The following TFAP2A variants were observed in gnomAD, a reference collection of about 807,000 sequenced individuals.
TFAP2A encodes the protein transcription factor AP-2 alpha, also known as transcription factor AP-2-alpha.
Under a neutral mutation model 41.5 loss-of-function variants are expected in TFAP2A, and 7 were observed. The observed-to-expected ratio is 0.17, with a 90% confidence interval of 0.10 to 0.32. The LOEUF (loss-of-function observed/expected upper bound fraction) is 0.32, where lower values mean the gene tolerates loss of function less well. Ranked by LOEUF, TFAP2A falls within the 10% of genes least tolerant of loss-of-function variation. The pLI is 1.00. For synonymous variants in TFAP2A, 247 were observed against 242.8 expected, an observed-to-expected ratio of 1.02 and a Z score of -0.16; for missense variants, 416 against 563.3, an observed-to-expected ratio of 0.74 and a Z score of 2.65.
intron 1 of TFAP2A, chr6:10,412,092 T>C (rs1396076071): frequency 1.0e-6 from 1 of 995,622 alleles, no homozygotes; most frequent in Non-Finnish European, 1.2e-6. Flanking sequence ...AAATCGAGCG[T>C]GAAGCGGAGA....
chr6:10,403,802 G>C (rs1436468348), intron 4 of TFAP2A, among the ~76,000 whole-genome samples: 1 of 152,132 alleles, frequency 6.6e-6, no homozygotes, highest in Non-Finnish European at 1.5e-5. Context: ...AGAATCCCTG[G>C]CTATGTATGT....
chr6:10,409,678 ATTGT>A, intron 2 of TFAP2A: 1 of 578,522 alleles, frequency 1.7e-6, no homozygotes, highest in Admixed American at 3.0e-5. Flanking sequence ...TAATGCAGGC[ATTGT>A]TTGAGGGAGC....
rs558581973 is a variant in TFAP2A, at chr6:10,397,423, G to A, written c.*994C>T. ...GTCCAATATCACTTTTTTTCTTTCG[G>A]TTCAATGAAAAGCTAAATGTAATAA... On this transcript the variant is annotated 3_prime_UTR_variant, in exon 7 of 7. Transcript: ENST00000379613. 1 of 151,610 alleles carries A rather than the reference G, an allele frequency of 6.6e-6. No homozygotes were observed. Among genetic ancestry groups the A allele is most frequent in the South Asian group, 2.1e-4 (1 of 4,798 alleles). 9.4% of individuals were successfully genotyped at this position (151,610 alleles called of 1,614,324 possible). A position where few individuals can be genotyped will look rare whatever the true frequency, so the allele number is the denominator to read the frequency against.
intron 1 of TFAP2A, chr6:10,414,581 CCTCAAT>C (rs1758162069): frequency 2.2e-6 from 1 of 452,436 alleles, no homozygotes. Context: ...TGACTTGGGC[CCTCAAT>C]CTCGATGAAG....
chr6:10,397,824 T>C lies in TFAP2A; in HGVS notation c.*593A>G, dbSNP rs770745416. On this transcript the variant is annotated 3_prime_UTR_variant, in exon 7 of 7. Transcript: ENST00000379613. ...TCGCTTTACCTTAAAGAGGAAAAAC[T>C]TCTACAACTGAAGACATGACATGGA... 91 of 986,026 alleles carry C rather than the reference T, an allele frequency of 9.2e-5. No homozygotes were observed. Among genetic ancestry groups the C allele is most frequent in the Non-Finnish European group, 1.0e-4 (83 of 830,198 alleles). 61.1% of individuals were successfully genotyped at this position (986,026 alleles called of 1,614,324 possible). A position where few individuals can be genotyped will look rare whatever the true frequency, so the allele number is the denominator to read the frequency against.
At position 10,404,705 on chromosome 6, in the gene TFAP2A, G is replaced by A. The variant is rs1342169742; in HGVS notation, c.573C>T (p.Ala191=). 5 of 1,614,082 alleles carry A rather than the reference G, an allele frequency of 3.1e-6. No homozygotes were observed. Among genetic ancestry groups the A allele is most frequent in the Middle Eastern group, 1.6e-4 (1 of 6,084 alleles). ...CCTTGTTAATAGGGATGGCGGAGAC[G>A]GCATTGCTGTTGGACTTGGACAGGG... is the stretch of plus-strand genomic sequence containing the variant. ...PVSLSKSNSN[A]VSAIPINKDN... is the part of the protein sequence containing the mutation. Residue 191 remains alanine (A), a synonymous_variant, in exon 4 of 7, where the codon GCC becomes GCT. Coordinates refer to ENST00000379613, the MANE Select transcript of TFAP2A (RefSeq NM_001372066.1).
At chr6:10,418,617 C>G (rs368060479), upstream of TFAP2A, 1 of 152,372 alleles carries the variant, frequency 6.6e-6, no homozygotes, top group South Asian at 2.1e-4. Flanking sequence ...GCTTCCTTGG[C>G]CAGGGTCGGA....
chr6:10,419,504 C>T (rs1758356592), upstream of TFAP2A: 20 of 1,612,188 alleles, frequency 1.2e-5, 1 homozygote, highest in Non-Finnish European at 1.2e-5. Context: ...CTGGAGGGCT[C>T]GGTCGGGCCA....
Position 10,404,814 on chromosome 6 carries a change from T to G in TFAP2A, c.539-75A>C, listed in dbSNP as rs563554662. 5.3e-5 allele frequency: 73 copies of G among 1,386,024 alleles called. No homozygotes were observed. In the African/African-American group the frequency reaches 8.1e-4, roughly 15 times the overall value. 85.9% of individuals were successfully genotyped at this position (1,386,024 alleles called of 1,614,324 possible). A position where few individuals can be genotyped will look rare whatever the true frequency, so the allele number is the denominator to read the frequency against. On this transcript the variant is annotated intron_variant, in intron 3 of 6. Transcript: ENST00000379613. Reference sequence around the variant, plus strand: ...AAATCCTGCCCGACCCCGGCCCTCATCCCGGCCAGGGCCGGATCCCAGGCT... The same window carrying G: ...AAATCCTGCCCGACCCCGGCCCTCAGCCCGGCCAGGGCCGGATCCCAGGCT...
At position 10,398,814 on chromosome 6, in the gene TFAP2A, G is replaced by A; in HGVS notation, c.1032-109C>T. 2 of 1,342,020 alleles carry A rather than the reference G, an allele frequency of 1.5e-6. No individual in the cohort carries two copies. The highest frequency in any genetic ancestry group is 2.0e-5 in the Admixed American group (1 of 49,180). The allele number at this position is 1,342,020 out of a possible 1,614,324, so 83.1% of individuals were successfully genotyped here. A position where few individuals can be genotyped will look rare whatever the true frequency, so the allele number is the denominator to read the frequency against. ...CAGCTACCTCTGCCGGGATCCAGCC[G>A]GTACCTGACATGACCCAAGACCCCA... is the stretch of plus-strand genomic sequence containing the variant. On this transcript the variant is annotated intron_variant, in intron 6 of 6. Coordinates refer to ENST00000379613, the MANE Select transcript of TFAP2A (RefSeq NM_001372066.1). This position sits in a 1 kb window ranked among gnomAD's most constrained non-coding sequence, Gnocchi z 5.3.
intron 1 of TFAP2A, among the ~76,000 whole-genome samples, chr6:10,413,934 A>G (rs1348568867): frequency 2.0e-5 from 3 of 151,256 alleles, no homozygotes; most frequent in Non-Finnish European, 4.4e-5. Flanking sequence ...AGCCCTACAC[A>G]CCCCAACCCC....
intron 1 of TFAP2A, chr6:10,411,055 C>G (rs1034569745): frequency 6.7e-6 from 1 of 149,702 alleles, no homozygotes; most frequent in South Asian, 2.2e-4. Context: ...GGCCCCCCCC[C>G]CCCGCCCCTT....
chr6:10,409,705 T>C (rs913754838), intron 2 of TFAP2A, 196 bp downstream of exon 2: 12 of 630,210 alleles, frequency 1.9e-5, no homozygotes, highest in Admixed American at 2.8e-5. Context: ...CAGAAACCAT[T>C]GTTCTGGGGT....
intron 1 of TFAP2A, among the ~76,000 whole-genome samples, chr6:10,413,278 C>CT (rs1350320375): frequency 6.6e-6 from 1 of 152,226 alleles, no homozygotes. Context: ...TCTCTCTCAT[C>CT]TTTTTTTGCC....
intron 4 of TFAP2A, among the ~76,000 whole-genome samples, chr6:10,403,374 G>T (rs1757508467): frequency 6.6e-6 from 1 of 152,178 alleles, no homozygotes; most frequent in Admixed American, 6.5e-5. Flanking sequence ...GGGAAGGGAA[G>T]GAAAAAGCAG....
upstream of TFAP2A, chr6:10,416,348 G>A (rs1267567080): frequency 6.6e-6 from 1 of 151,944 alleles, no homozygotes; most frequent in Non-Finnish European, 1.5e-5. Context: ...GGTCAGTCCG[G>A]GCTTTTGGAC....
intron 3 of TFAP2A, chr6:10,406,377 C>G (rs1757713463): frequency 5.2e-6 from 1 of 190,974 alleles, no homozygotes; most frequent in South Asian, 1.1e-4. Context: ...TTTTTTTCCT[C>G]TACTAAAGAG....
chr6:10,402,399 A>G (rs780858638), intron 5 of TFAP2A, 93 bp downstream of exon 5: 6 of 959,094 alleles, frequency 6.3e-6, no homozygotes, highest in Non-Finnish European at 1.0e-5. Flanking sequence ...AAACTGCCCA[A>G]CTGACATAAA....
At chr6:10,415,181 G>GGAGGAGGAGGGCGAGGAGAAGGGC (rs1658007475), upstream of TFAP2A, 2 of 1,497,744 alleles carry the variant, frequency 1.3e-6, no homozygotes, top group African/African-American at 1.4e-5. Context: ...AGGGCGAGGA[G>GGAGGAGGAGGGCGAGGAGAAGGGC]GAGGAGGAGG....
Sources: gnomAD v4.1 joint callset for allele counts (sites outside exome capture counted in the v4.1 genomes callset) on GRCh38, gnomAD v4.1.1 for gene constraint, Gnocchi (gnomAD v3.1) non-coding constraint, MANE v1.5 for transcripts, NCBI Gene and HGNC (gene_info 2026-07-23, HGNC 2026-07-21) for gene names.